The following UBE2F variants were observed in gnomAD, a reference collection of about 807,000 sequenced individuals.
The protein encoded by UBE2F is ubiquitin conjugating enzyme E2 F (putative), also known as NEDD8-conjugating enzyme UBE2F.
Under a neutral mutation model 29.6 loss-of-function variants are expected in UBE2F, and 5 were observed. The observed-to-expected ratio is 0.17, with a 90% CI of 0.09 to 0.36. The LOEUF (loss-of-function observed/expected upper bound fraction) is 0.36. UBE2F is among the 10% of genes least tolerant of loss of function. The probability of loss-of-function intolerance (pLI) is 1.00; values close to 1 mark genes in which losing one functional copy is unlikely to be tolerated. For missense variants in UBE2F, 141 were observed against 228.5 expected, an observed-to-expected ratio of 0.62 and a Z score of 2.47; for synonymous variants, 66 against 81.8, an observed-to-expected ratio of 0.81 and a Z score of 1.04.
At chr2:237,971,895 G>T (rs181918836) in intron 1 of UBE2F, among the ~76,000 whole-genome samples, 36 of 152,278 alleles carry the variant, frequency 2.4e-4, no homozygotes, top group African/African-American at 8.7e-4. Context: ...GGGGCGTATG[G>T]GAAATCTCTG....
intron 8 of UBE2F, among the ~76,000 whole-genome samples, chr2:238,034,797 A>C (rs1226854801): frequency 6.6e-6 from 1 of 152,216 alleles, no homozygotes; most frequent in African/African-American, 2.4e-5. Context: ...TCATTCCTGA[A>C]GAGAAATATG....
At chr2:237,978,987 C>T (rs764639591) in intron 2 of UBE2F, among the ~76,000 whole-genome samples, 4 of 152,162 alleles carry the variant, frequency 2.6e-5, no homozygotes, top group Non-Finnish European at 5.9e-5. Flanking sequence ...TGTCTGTCTC[C>T]CTGTTCTTTC....
At chr2:238,000,227 T>C (rs2063767388) in intron 4 of UBE2F, among the ~76,000 whole-genome samples, 1 of 152,200 alleles carries the variant, frequency 6.6e-6, no homozygotes, top group Non-Finnish European at 1.5e-5. Context: ...TTGATCATGT[T>C]AGCTAAAGGT....
intron 4 of UBE2F, among the ~76,000 whole-genome samples, chr2:238,003,837 C>T (rs2063847276): frequency 6.6e-6 from 1 of 152,158 alleles, no homozygotes; most frequent in Non-Finnish European, 1.5e-5. Context: ...CAGGCCTACG[C>T]ACTCACATAA....
intron 4 of UBE2F, among the ~76,000 whole-genome samples, chr2:238,013,131 G>A (rs771203020): frequency 3.3e-5 from 5 of 152,112 alleles, no homozygotes; most frequent in African/African-American, 7.2e-5. Flanking sequence ...CTAGCTGGGC[G>A]TGGTGGCACA....
intron 4 of UBE2F, among the ~76,000 whole-genome samples, chr2:238,010,466 C>T (rs980840952): frequency 9.8e-5 from 15 of 152,320 alleles, no homozygotes; most frequent in African/African-American, 2.2e-4. Context: ...CCACCGTGCC[C>T]GGCCCAGAGC....
At chr2:238,006,994 G>T (rs1322195164) in intron 4 of UBE2F, among the ~76,000 whole-genome samples, 1 of 151,846 alleles carries the variant, frequency 6.6e-6, no homozygotes, top group African/African-American at 2.4e-5. Flanking sequence ...AACCTCAGGT[G>T]ATCCGCCTGC....
intron 1 of UBE2F, among the ~76,000 whole-genome samples, chr2:237,968,450 G>A (rs1331550483): frequency 2.6e-5 from 4 of 152,118 alleles, no homozygotes; most frequent in Non-Finnish European, 5.9e-5. Flanking sequence ...TGCCCTGATC[G>A]GGGCCCCTTT....
At chr2:238,021,471 A>G (rs949546632) in intron 5 of UBE2F, among the ~76,000 whole-genome samples, 32 of 152,258 alleles carry the variant, frequency 2.1e-4, no homozygotes, top group African/African-American at 7.5e-4. Flanking sequence ...TGCAGACAGT[A>G]TAAATTCCAC....
intron 5 of UBE2F, among the ~76,000 whole-genome samples, chr2:238,019,984 C>G (rs763965610): frequency 3.9e-5 from 6 of 152,134 alleles, no homozygotes; most frequent in Non-Finnish European, 8.8e-5. Context: ...TTGTTTTCTT[C>G]CTGTCTGCCT....
intron 4 of UBE2F, among the ~76,000 whole-genome samples, chr2:238,015,551 G>C (rs2064132051): frequency 6.6e-6 from 1 of 151,886 alleles, no homozygotes; most frequent in African/African-American, 2.4e-5. Context: ...ACTACTAGAT[G>C]ACATAAATGT....
chr2:237,990,348 G>T, intron 3 of UBE2F: 1 of 441,496 alleles, frequency 2.3e-6, no homozygotes, highest in Non-Finnish European at 4.6e-6. Flanking sequence ...CTGCTTTCCA[G>T]TCCCATCTTA....
chr2:238,035,989 C>T (rs747104246), intron 9 of UBE2F, 49 bp downstream of exon 9: 10 of 1,465,108 alleles, frequency 6.8e-6, no homozygotes, highest in African/African-American at 1.4e-5. Context: ...GTCACGAACA[C>T]GATTACTACT....
Position 238,042,400 on chromosome 2 carries a change from A to G in UBE2F, c.*1062A>G, listed in dbSNP as rs566313631. ...CCTGTGGCCTTCTTCTGAGTTTGCTATGGCTCCAGGCCCTGCCGGTGGGGT... is the reference window on the plus strand; with the variant it reads ...CCTGTGGCCTTCTTCTGAGTTTGCTGTGGCTCCAGGCCCTGCCGGTGGGGT... On this transcript the variant is annotated 3_prime_UTR_variant, in exon 10 of 10. Transcript: ENST00000272930. 13 of 152,346 alleles carry G rather than the reference A, an allele frequency of 8.5e-5. No individual in the cohort carries two copies. Among genetic ancestry groups the G allele is most frequent in the African/African-American group, 3.1e-4 (13 of 41,566 alleles). 9.4% of individuals were successfully genotyped at this position (152,346 alleles called of 1,614,324 possible).
At chr2:237,990,843 T>A (rs1349376451) in intron 3 of UBE2F, among the ~76,000 whole-genome samples, 1 of 152,044 alleles carries the variant, frequency 6.6e-6, no homozygotes, top group African/African-American at 2.4e-5. Context: ...CTCAAACTCC[T>A]GGGCTCAAGT....
intron 4 of UBE2F, among the ~76,000 whole-genome samples, chr2:238,000,175 T>C (rs1415747491): frequency 1.3e-5 from 2 of 152,202 alleles, no homozygotes; most frequent in African/African-American, 2.4e-5. Flanking sequence ...TGATGTCGCC[T>C]TTTTCATTAC....
At chr2:238,005,371 A>AT (rs1233739734) in intron 4 of UBE2F, among the ~76,000 whole-genome samples, 3 of 151,734 alleles carry the variant, frequency 2.0e-5, no homozygotes, top group East Asian at 1.9e-4. Context: ...TGATTTTTGT[A>AT]TTTTTTGTAG....
intron 4 of UBE2F, among the ~76,000 whole-genome samples, chr2:237,998,943 A>C (rs540122508): frequency 6.6e-6 from 1 of 152,262 alleles, no homozygotes; most frequent in African/African-American, 2.4e-5. Flanking sequence ...CCCTAAAAAA[A>C]CTTTTTATTT....
chr2:237,994,898 C>G (rs1213269995), intron 4 of UBE2F, 89 bp downstream of exon 4: 52 of 1,026,118 alleles, frequency 5.1e-5, no homozygotes, highest in Non-Finnish European at 7.9e-5. Context: ...GGTTTGTCCT[C>G]TAGCTTTTAA....
Sources: gnomAD v4.1 joint callset for allele counts (sites outside exome capture counted in the v4.1 genomes callset) on GRCh38, gnomAD v4.1.1 for gene constraint, MANE v1.5 for transcripts, NCBI Gene and HGNC (gene_info 2026-07-23, HGNC 2026-07-21) for gene names.